WNT7A: variants seen among roughly 807,000 people sequenced by gnomAD.
WNT7A encodes the protein protein Wnt-7a.
In WNT7A, 16 loss-of-function variants were observed where a neutral mutation model predicts 28.2. That is an observed-to-expected ratio of 0.57 (90% CI 0.38 to 0.86). The LOEUF is 0.86. Among genes scored for constraint, WNT7A ranks in the 40% least tolerant of loss-of-function variants. WNT7A has a pLI of 0.00. For missense variants in WNT7A, 411 were observed against 489.7 expected (o/e 0.84, Z 1.52); for synonymous variants, 190 against 195.9 (o/e 0.97, Z 0.25).
At chr3:13,835,747 T>C (rs893741134) in intron 3 of WNT7A, among the ~76,000 whole-genome samples, 2 of 152,238 alleles carry the variant, frequency 1.3e-5, no homozygotes, top group Non-Finnish European at 1.5e-5. Flanking sequence ...GCATTATTCA[T>C]AATAACCAAA....
At position 13,875,154 on chromosome 3, in the gene WNT7A, C is replaced by G. The variant is rs775290307; in HGVS notation, c.91G>C (p.Ala31Pro). The part of the protein sequence containing the change: ...LRIGGFSSVV[A>P]LGASIICNKI... ...TTACAGATGATGCTTGCGCCCAGAG[C>G]TACCACTGAGGAGAAGCCACTGGAG... Residue 31 changes from alanine (A) to proline (P), a missense_variant, in exon 2 of 4, where the codon GCT becomes CCT. Physicochemically the swap from Ala to Pro is conservative, Grantham distance 27 (BLOSUM62 -1). Transcript: ENST00000285018. The G allele has an allele frequency of 6.8e-6, 11 of 1,614,124 alleles. No homozygotes were observed. In the East Asian group the frequency reaches 2.2e-4, roughly 33 times the overall value.
In WNT7A at chr3:13,868,561, GGA is replaced by G. The variant is rs745949619; in HGVS notation, c.298+6384_298+6385del. Reference sequence around the variant, plus strand: ...GGAAGGGAAGGGAAGGGAAGAAGGGGGAGAGAGAGAGAGAGAGAGAGAGAGAG... The same window carrying G: ...GGAAGGGAAGGGAAGGGAAGAAGGGGGAGAGAGAGAGAGAGAGAGAGAGAG... On this transcript the variant is annotated intron_variant, in intron 2 of 3. Coordinates refer to ENST00000285018, the MANE Select transcript of WNT7A (RefSeq NM_004625.4). 4.7e-4 allele frequency among the ~76,000 whole-genome samples: 35 copies of G among 75,080 alleles called. 1 individual carries two copies. The highest frequency in any genetic ancestry group is 7.2e-4 in the African/African-American group (10 of 13,870). 49.3% of individuals were successfully genotyped at this position (75,080 alleles called of 152,430 possible). A position where few individuals can be genotyped will look rare whatever the true frequency, so the allele number is the denominator to read the frequency against.
At chr3:13,836,193 T>TG (rs1222980833) in intron 3 of WNT7A, among the ~76,000 whole-genome samples, 1 of 129,704 alleles carries the variant, frequency 7.7e-6, no homozygotes, top group Non-Finnish European at 1.6e-5. Flanking sequence ...TCAGTAAAGC[T>TG]GGTTTTTAAA....
chr3:13,842,203 G>A (rs1361931390), intron 3 of WNT7A, among the ~76,000 whole-genome samples: 1 of 152,126 alleles, frequency 6.6e-6, no homozygotes, highest in Non-Finnish European at 1.5e-5. Context: ...AGCCTGCAGG[G>A]GCCCAAGTTA....
intron 3 of WNT7A, among the ~76,000 whole-genome samples, chr3:13,850,013 C>T (rs1013523868): frequency 3.5e-4 from 53 of 152,216 alleles, no homozygotes; most frequent in African/African-American, 1.2e-3. Context: ...AGGAAAGAAG[C>T]CCCTGCCATG....
intron 2 of WNT7A, among the ~76,000 whole-genome samples, chr3:13,873,490 T>TCTA (rs1339306642): frequency 4.6e-5 from 7 of 152,086 alleles, no homozygotes; most frequent in African/African-American, 1.4e-4. Context: ...TGAGATCCTG[T>TCTA]CTACAGTTCT....
At chr3:13,837,386 G>A (rs1420200636) in intron 3 of WNT7A, among the ~76,000 whole-genome samples, 5 of 119,670 alleles carry the variant, frequency 4.2e-5, no homozygotes, top group Non-Finnish European at 8.9e-5. Flanking sequence ...ACATCCCCCC[G>A]GCCACCTGAG....
chr3:13,822,892 G>A (rs1694135631), intron 3 of WNT7A, among the ~76,000 whole-genome samples: 1 of 152,174 alleles, frequency 6.6e-6, no homozygotes, highest in Non-Finnish European at 1.5e-5. Context: ...CCTGTGTCCT[G>A]GATGGGGGTC....
At chr3:13,876,616 A>G (rs1162931521) in intron 1 of WNT7A, among the ~76,000 whole-genome samples, 1 of 152,140 alleles carries the variant, frequency 6.6e-6, no homozygotes, top group African/African-American at 2.4e-5. Flanking sequence ...TCCTGTACCA[A>G]TAACTCAAGG....
chr3:13,851,191 T>C (rs894484204), intron 3 of WNT7A, among the ~76,000 whole-genome samples: 28 of 152,152 alleles, frequency 1.8e-4, no homozygotes, highest in Non-Finnish European at 1.5e-5. Context: ...CTCCACTCTA[T>C]CCCAGACAGG....
At chr3:13,822,341 T>C (rs1203709715) in intron 3 of WNT7A, among the ~76,000 whole-genome samples, 1 of 152,206 alleles carries the variant, frequency 6.6e-6, no homozygotes, top group Non-Finnish European at 1.5e-5. Context: ...CAACTATTAA[T>C]GGATAAGCAA....
chr3:13,867,289 G>C (rs946790719), intron 2 of WNT7A, among the ~76,000 whole-genome samples: 1 of 152,140 alleles, frequency 6.6e-6, no homozygotes, highest in Non-Finnish European at 1.5e-5. Flanking sequence ...ATGTGACTCT[G>C]ATTTCAGTAC....
rs75651130 is a variant in WNT7A at position 13,875,032 on chromosome 3, G to C, written c.213C>G (p.Asp71Glu). 3.7e-6 allele frequency: 6 copies of C among 1,614,220 alleles called. No homozygotes were observed. In the South Asian group the frequency reaches 4.4e-5, roughly 12 times the overall value. ...VIGEGSQMGL[D>E]ECQFQFRNGR... is the part of the protein sequence containing the mutation. ...CATTGCGGAACTGAAACTGACACTC[G>C]TCCAGGCCCATTTGTGAGCCTTCTC... The change falls in exon 2 of 4, where the codon GAC (aspartate) becomes GAG (glutamate). Residue 71 changes from aspartate to glutamate, a missense_variant. Asp to Glu is a conservative substitution (Grantham distance 45). Coordinates refer to ENST00000285018, the MANE Select transcript of WNT7A (RefSeq NM_004625.4).
chr3:13,821,895 G>A (rs1694115678), intron 3 of WNT7A, among the ~76,000 whole-genome samples: 1 of 152,202 alleles, frequency 6.6e-6, no homozygotes, highest in South Asian at 2.1e-4. Flanking sequence ...ATTCTTTTAA[G>A]TGAACAGGGA....
Position 13,833,918 on chromosome 3 carries a change from T to C in WNT7A, c.571-14495A>G, listed in dbSNP as rs377737760. On this transcript the variant is annotated intron_variant, in intron 3 of 3. Coordinates refer to ENST00000285018, the MANE Select transcript of WNT7A (RefSeq NM_004625.4). ...TCCCTTCCCTGGCCAGGCGCTGAGG[T>C]TGGTGGCCAGGTGGGCAGAAAGAGG... 8.5e-5 allele frequency among the ~76,000 whole-genome samples: 13 copies of C among 152,294 alleles called. 1 individual carries two copies. The highest frequency in any genetic ancestry group is 8.3e-4 in the South Asian group (4 of 4,818).
Position 13,818,684 on chromosome 3 carries a change from T to C in WNT7A, c.*260A>G, listed in dbSNP as rs536674971. 12 of 357,486 alleles carry C rather than the reference T, an allele frequency of 3.4e-5. No homozygotes were observed. In the East Asian group the frequency reaches 4.5e-4, roughly 14 times the overall value. 22.1% of individuals were successfully genotyped at this position (357,486 alleles called of 1,614,324 possible). A position where few individuals can be genotyped will look rare whatever the true frequency, so the allele number is the denominator to read the frequency against. On this transcript the variant is annotated 3_prime_UTR_variant, in exon 4 of 4. Transcript: ENST00000285018. ...AGGCCCAGGGGTCCAGAGTTCCTGCTGCAGAAGGCTTCGCTCCAGCCGCGG... is the reference window on the plus strand; with the variant it reads ...AGGCCCAGGGGTCCAGAGTTCCTGCCGCAGAAGGCTTCGCTCCAGCCGCGG...
Position 13,874,954 on chromosome 3 carries a change from G to A in WNT7A, c.291C>T (p.Leu97=). Reference sequence around the variant, plus strand: ...GTTTGGGTGAGCACATACCCACTTTGAGCTCCTTCCCGAAGACGGTGCGCT... The same window carrying A: ...GTTTGGGTGAGCACATACCCACTTTAAGCTCCTTCCCGAAGACGGTGCGCT... ...LGERTVFGKE[L]KVGSREAAFT... The change falls in exon 2 of 4, where the codon CTC becomes CTT. Residue 97 remains leucine (L), a synonymous_variant. Coordinates refer to ENST00000285018, the MANE Select transcript of WNT7A (RefSeq NM_004625.4). The A allele has an allele frequency of 6.2e-7, 1 of 1,614,006 alleles. No individual in the cohort carries two copies. The highest frequency in any genetic ancestry group is 8.5e-7 in the Non-Finnish European group (1 of 1,180,030).
chr3:13,866,626 G>A (rs1213965578), intron 2 of WNT7A, among the ~76,000 whole-genome samples: 1 of 152,194 alleles, frequency 6.6e-6, no homozygotes, highest in Non-Finnish European at 1.5e-5. Flanking sequence ...AAGACAGAGG[G>A]AGCGAGCCAA....
intron 2 of WNT7A, among the ~76,000 whole-genome samples, chr3:13,867,350 G>A (rs1694927683): frequency 6.6e-6 from 1 of 152,068 alleles, no homozygotes. Flanking sequence ...TCAAATACAT[G>A]GCAGACTTGA....
Sources: gnomAD v4.1 joint callset for allele counts (sites outside exome capture counted in the v4.1 genomes callset) on GRCh38, gnomAD v4.1.1 for gene constraint, MANE v1.5 for transcripts, NCBI Gene and HGNC (gene_info 2026-07-23, HGNC 2026-07-21) for gene names.